KHDRBS2: variants seen among roughly 807,000 people sequenced by gnomAD.
KHDRBS2 encodes KH domain-containing, RNA-binding, signal transduction-associated protein 2.
Under a neutral mutation model 44.3 loss-of-function variants are expected in KHDRBS2, and 26 were observed. The observed-to-expected ratio is 0.59, with a 90% CI of 0.43 to 0.81. The LOEUF is 0.81. Ranked by LOEUF, KHDRBS2 falls within the 40% of genes least tolerant of loss-of-function variation. The probability of loss-of-function intolerance (pLI) is 0.00; values close to 1 mark genes in which losing one functional copy is unlikely to be tolerated. For missense variants in KHDRBS2, 476 were observed against 433.1 expected (o/e 1.10, Z -0.88); for synonymous variants, 194 against 151.1 (o/e 1.28, Z -2.08).
intron 6 of KHDRBS2, among the ~76,000 whole-genome samples, chr6:61,788,301 C>A (rs996394445): frequency 2.6e-5 from 4 of 151,460 alleles, no homozygotes; most frequent in African/African-American, 4.8e-5. Context: ...TTTACCACTT[C>A]TAGCTTTTAA....
At chr6:61,949,700 A>G (rs1356541037) in intron 4 of KHDRBS2, among the ~76,000 whole-genome samples, 1 of 152,084 alleles carries the variant, frequency 6.6e-6, no homozygotes, top group Non-Finnish European at 1.5e-5. Context: ...GTTTATAGAT[A>G]GTATTGTTTT....
intron 1 of KHDRBS2, among the ~76,000 whole-genome samples, chr6:62,251,632 A>C (rs1211497527): frequency 2.0e-5 from 3 of 152,006 alleles, no homozygotes; most frequent in Non-Finnish European, 4.4e-5. Context: ...GAGGAATTTC[A>C]ATAAATAATT....
chr6:62,107,480 G>A (rs552364620), intron 2 of KHDRBS2, among the ~76,000 whole-genome samples: 295 of 152,250 alleles, frequency 1.9e-3, no homozygotes, highest in African/African-American at 6.7e-3. Flanking sequence ...CATGCTCATG[G>A]GTAGGAAGAA....
At chr6:61,919,031 C>A (rs1807539090) in intron 4 of KHDRBS2, among the ~76,000 whole-genome samples, 1 of 151,856 alleles carries the variant, frequency 6.6e-6, no homozygotes, top group Non-Finnish European at 1.5e-5. Context: ...TAAAACTTGA[C>A]CCCACTTCTG....
rs1585510266 is a variant in KHDRBS2 at position 62,265,667 on chromosome 6, T to G, written c.91+20191A>C. ...GTAAAATGAAAGACCTTGTGACTAT[T>G]TCACAAAAATTCTTTTCTTATTTTC... On this transcript the variant is annotated intron_variant, in intron 1 of 8. Coordinates refer to ENST00000281156, the MANE Select transcript of KHDRBS2 (RefSeq NM_152688.4). 2.6e-5 allele frequency among the ~76,000 whole-genome samples: 4 copies of G among 152,006 alleles called. No individual in the cohort carries two copies. In the East Asian group the frequency reaches 7.7e-4, roughly 29 times the overall value.
intron 6 of KHDRBS2, among the ~76,000 whole-genome samples, chr6:61,858,875 T>C (rs758145520): frequency 2.6e-5 from 4 of 151,976 alleles, no homozygotes; most frequent in Admixed American, 6.6e-5. Flanking sequence ...TCAAGTAATA[T>C]AAATTATTTG....
chr6:62,186,195 A>T (rs150690890), intron 1 of KHDRBS2, among the ~76,000 whole-genome samples: 1 of 152,134 alleles, frequency 6.6e-6, no homozygotes, highest in Non-Finnish European at 1.5e-5. Flanking sequence ...CACATATTCT[A>T]GTTCATTTAC....
chr6:61,584,765 A>T, the KHDRBS2 span, among the ~76,000 whole-genome samples: 1 of 151,888 alleles, frequency 6.6e-6, no homozygotes, highest in Non-Finnish European at 1.5e-5. Flanking sequence ...CCCTTAGTGA[A>T]CAGAATCTGA....
At chr6:61,901,435 A>AG in intron 4 of KHDRBS2, 64 bp from the exon 5 acceptor site, 1 of 1,312,580 alleles carries the variant, frequency 7.6e-7, no homozygotes. Context: ...GTTGGAAAAA[A>AG]AAAAAAAGAA....
chr6:62,180,376 C>A (rs1436677872), intron 1 of KHDRBS2, among the ~76,000 whole-genome samples: 1 of 151,802 alleles, frequency 6.6e-6, no homozygotes, highest in Non-Finnish European at 1.5e-5. Flanking sequence ...ATCCAAAAAT[C>A]AGTTCCATTT....
At chr6:61,774,754 C>A (rs1781649186) in intron 6 of KHDRBS2, among the ~76,000 whole-genome samples, 1 of 152,066 alleles carries the variant, frequency 6.6e-6, no homozygotes, top group African/African-American at 2.4e-5. Flanking sequence ...CTATTCCAAT[C>A]AATAGAAAAA....
At chr6:61,922,762 G>A (rs1243236911) in intron 4 of KHDRBS2, among the ~76,000 whole-genome samples, 1 of 152,072 alleles carries the variant, frequency 6.6e-6, no homozygotes, top group African/African-American at 2.4e-5. Flanking sequence ...CCTTTAAAAA[G>A]TTATAAAAGC....
intron 4 of KHDRBS2, among the ~76,000 whole-genome samples, chr6:61,968,000 C>A (rs1433595446): frequency 6.7e-6 from 1 of 148,742 alleles, no homozygotes; most frequent in Non-Finnish European, 1.5e-5. Flanking sequence ...TGAAAATATA[C>A]CCCCTCTCTC....
At chr6:61,551,738 C>T in the KHDRBS2 span, among the ~76,000 whole-genome samples, 1 of 152,098 alleles carries the variant, frequency 6.6e-6, no homozygotes, top group Admixed American at 6.6e-5. Flanking sequence ...GCTTTTGTGG[C>T]ATACCATGCT....
chr6:62,163,352 G>A (rs1404932271), intron 2 of KHDRBS2, among the ~76,000 whole-genome samples: 11 of 152,012 alleles, frequency 7.2e-5, no homozygotes, highest in Admixed American at 6.6e-4. Flanking sequence ...TGGAAAAACT[G>A]AACAGCAATG....
At chr6:61,956,818 A>T (rs2127390501) in intron 4 of KHDRBS2, among the ~76,000 whole-genome samples, 1 of 152,248 alleles carries the variant, frequency 6.6e-6, no homozygotes, top group East Asian at 1.9e-4. Context: ...GCAAACAAAT[A>T]ATATCTCATT....
intron 2 of KHDRBS2, among the ~76,000 whole-genome samples, chr6:62,156,906 T>C (rs1365529136): frequency 2.0e-5 from 3 of 148,082 alleles, no homozygotes; most frequent in East Asian, 2.0e-4. Context: ...AGGATGGTCT[T>C]GATCTCCGGA....
At chr6:62,192,414 T>C (rs964400503) in intron 1 of KHDRBS2, among the ~76,000 whole-genome samples, 1 of 152,102 alleles carries the variant, frequency 6.6e-6, no homozygotes, top group Admixed American at 6.6e-5. Context: ...CAACTCAAGT[T>C]GCATTGGTTT....
intron 1 of KHDRBS2, among the ~76,000 whole-genome samples, chr6:62,246,303 A>G (rs540714529): frequency 6.6e-6 from 1 of 151,930 alleles, no homozygotes; most frequent in African/African-American, 2.4e-5. Context: ...CAAATTATAT[A>G]GGCTAGCTGG....
Sources: allele counts gnomAD v4.1 joint callset (sites outside exome capture counted in the v4.1 genomes callset), GRCh38; gene constraint gnomAD v4.1.1; transcripts MANE v1.5; gene names NCBI Gene and HGNC (gene_info 2026-07-23, HGNC 2026-07-21).